ATL2: variants seen among roughly 807,000 people sequenced by gnomAD.
The protein encoded by ATL2 is atlastin GTPase 2.
Under a neutral mutation model 73.9 loss-of-function variants are expected in ATL2, and 31 were observed. The ratio of observed to expected loss-of-function variants is 0.42; its 90% CI spans 0.32 to 0.57. The LOEUF is 0.57. ATL2 is among the 20% of genes least tolerant of loss of function. The probability of loss-of-function intolerance (pLI) is 0.14; values close to 1 mark genes in which losing one functional copy is unlikely to be tolerated. For missense variants in ATL2, 738 were observed against 702.6 expected (o/e 1.05, Z -0.57); for synonymous variants, 291 against 237.5 (o/e 1.23, Z -2.07).
At chr2:38,375,014 C>T (rs1013091476) in intron 1 of ATL2, among the ~76,000 whole-genome samples, 4 of 152,178 alleles carry the variant, frequency 2.6e-5, no homozygotes, top group African/African-American at 7.2e-5. Context: ...AAACACTTTA[C>T]TAAATAGATT....
Position 38,348,472 on chromosome 2 carries a change from A to G in ATL2, c.119-4960T>C, listed in dbSNP as rs558036238. Among the ~76,000 whole-genome samples, 39 of 152,256 alleles carry G rather than the reference A, an allele frequency of 2.6e-4. No individual in the cohort carries two copies. The South Asian group carries it at 7.7e-3, about 30-fold the overall frequency. ...CAAGAGCGAAACTCCATCTCAAAAA[A>G]AAAAAAATTATGAACCAAGTAAAAC... On this transcript the variant is annotated intron_variant, in intron 1 of 12. Transcript: ENST00000378954.
chr2:38,339,732 C>T (rs1669592340), intron 2 of ATL2, among the ~76,000 whole-genome samples: 1 of 151,606 alleles, frequency 6.6e-6, no homozygotes, highest in African/African-American at 2.4e-5. Flanking sequence ...CTCTTGTTGC[C>T]CAGGTTAGAG....
At chr2:38,371,554 G>C (rs1177378382) in intron 1 of ATL2, among the ~76,000 whole-genome samples, 9 of 151,834 alleles carry the variant, frequency 5.9e-5, no homozygotes, top group African/African-American at 2.2e-4. Flanking sequence ...AAGTTTGCTA[G>C]GGTAGATATT....
chr2:38,356,949 G>T (rs1417018273), intron 1 of ATL2, among the ~76,000 whole-genome samples: 1 of 152,092 alleles, frequency 6.6e-6, no homozygotes, highest in Non-Finnish European at 1.5e-5. Context: ...TTTTACGACA[G>T]GTTTTTTAAT....
chr2:38,300,368 A>C (rs754900411), intron 9 of ATL2, 40 bp from the exon 10 acceptor site: 2 of 1,461,016 alleles, frequency 1.4e-6, no homozygotes, highest in Non-Finnish European at 1.9e-6. Context: ...CGGATTATGC[A>C]ATTTGGCTCC....
chr2:38,370,192 C>T (rs977927832), intron 1 of ATL2, among the ~76,000 whole-genome samples: 46 of 147,408 alleles, frequency 3.1e-4, no homozygotes, highest in African/African-American at 1.0e-3. Flanking sequence ...CAAGACCGGG[C>T]GGTCGCTCAC....
chr2:38,347,569 C>A (rs1444942900), intron 1 of ATL2, among the ~76,000 whole-genome samples: 2 of 151,932 alleles, frequency 1.3e-5, no homozygotes, highest in Non-Finnish European at 2.9e-5. Context: ...TTTTTTCATT[C>A]GTTTAAATGT....
chr2:38,311,677 G>C (rs955989532), intron 7 of ATL2, among the ~76,000 whole-genome samples: 1 of 152,184 alleles, frequency 6.6e-6, no homozygotes, highest in Non-Finnish European at 1.5e-5. Flanking sequence ...ACTGGTAGAG[G>C]GTTTTGGGGG....
intron 1 of ATL2, among the ~76,000 whole-genome samples, chr2:38,373,356 T>C (rs1219754917): frequency 6.6e-6 from 1 of 152,232 alleles, no homozygotes; most frequent in Non-Finnish European, 1.5e-5. Flanking sequence ...CCAGCTAGCC[T>C]CTAAGTGGTT....
Position 38,354,865 on chromosome 2 carries a change from G to C in ATL2, c.119-11353C>G, listed in dbSNP as rs534297237. On this transcript the variant is annotated intron_variant, in intron 1 of 12. Coordinates refer to ENST00000378954, the MANE Select transcript of ATL2 (RefSeq NM_001135673.4). ...AGATTGTGCCATTGCACTCCAACCTGGGTAAGAAGAGCGAAACTCTTTCTC... is the reference window on the plus strand; with the variant it reads ...AGATTGTGCCATTGCACTCCAACCTCGGTAAGAAGAGCGAAACTCTTTCTC... 2.6e-5 allele frequency among the ~76,000 whole-genome samples: 4 copies of C among 152,082 alleles called. 1 individual carries two copies. The South Asian group carries it at 6.2e-4, about 24-fold the overall frequency.
intron 2 of ATL2, among the ~76,000 whole-genome samples, chr2:38,337,507 AAAAAAAAAAAG>A (rs1669436699): frequency 6.7e-6 from 1 of 148,318 alleles, no homozygotes; most frequent in African/African-American, 2.5e-5. Flanking sequence ...AAAAAAAAAA[AAAAAAAAAAAG>A]GCAGTTGAGG....
At chr2:38,348,624 T>C (rs1197466027) in intron 1 of ATL2, among the ~76,000 whole-genome samples, 1 of 151,748 alleles carries the variant, frequency 6.6e-6, no homozygotes, top group South Asian at 2.1e-4. Context: ...AGTTGGTTTT[T>C]TAGAAGTTTA....
intron 6 of ATL2, among the ~76,000 whole-genome samples, chr2:38,313,539 C>G (rs1433995811): frequency 1.3e-5 from 2 of 152,174 alleles, no homozygotes; most frequent in Non-Finnish European, 2.9e-5. Flanking sequence ...TCAGGACACA[C>G]GGATCATAAT....
At position 38,334,909 on chromosome 2, in the gene ATL2, TATATAA is replaced by T. The variant is rs1478156719; in HGVS notation, c.363+8353_363+8358del. 1.1e-4 allele frequency among the ~76,000 whole-genome samples: 15 copies of T among 137,020 alleles called. No individual in the cohort carries two copies. In the East Asian group the frequency reaches 2.4e-3, roughly 22 times the overall value. The allele number at this position is 137,020 out of a possible 152,430, so 89.9% of individuals were successfully genotyped here. ...AATATATAATATATATTATTTATAA[TATATAA>T]ATATATTTATATATTATAATATATA... On this transcript the variant is annotated intron_variant, in intron 2 of 12. Transcript: ENST00000378954.
intron 2 of ATL2, among the ~76,000 whole-genome samples, chr2:38,323,036 C>G (rs186847917): frequency 6.6e-6 from 1 of 152,260 alleles, no homozygotes; most frequent in African/African-American, 2.4e-5. Flanking sequence ...GAACCTCTAC[C>G]ATGTGCCAGC....
intron 2 of ATL2, among the ~76,000 whole-genome samples, chr2:38,334,990 C>T (rs1422608928): frequency 3.8e-5 from 2 of 53,322 alleles, no homozygotes; most frequent in African/African-American, 4.5e-5. Flanking sequence ...TACATTAAAT[C>T]TGGCAAATAG....
intron 2 of ATL2, among the ~76,000 whole-genome samples, chr2:38,337,486 C>CAAAAAAAAAAAAAAAAAAAAAAAAAA (rs755029194): frequency 3.2e-4 from 7 of 21,658 alleles, no homozygotes; most frequent in African/African-American, 7.6e-4. Context: ...ACTCTGTCTC[C>CAAAAAAAAAAAAAAAAAAAAAAAAAA]AAAAAAAAAA....
At chr2:38,354,915 A>G (rs74986372) in intron 1 of ATL2, among the ~76,000 whole-genome samples, 17,557 of 152,104 alleles carry the variant, frequency 0.12, 3,314 homozygotes, top group African/African-American at 0.4. Flanking sequence ...AAAAAAGCCA[A>G]TAAGAAACCA....
intron 6 of ATL2, 24 bp from the exon 7 acceptor site, chr2:38,313,267 T>C: frequency 6.5e-7 from 1 of 1,541,060 alleles, no homozygotes; most frequent in Non-Finnish European, 8.8e-7. Flanking sequence ...AAATAAAAAT[T>C]GTTTATTTTA....
Sources: allele counts gnomAD v4.1 joint callset (sites outside exome capture counted in the v4.1 genomes callset), GRCh38; gene constraint gnomAD v4.1.1; transcripts MANE v1.5; gene names NCBI Gene and HGNC (gene_info 2026-07-23, HGNC 2026-07-21).